The following NXPH1 variants were observed in gnomAD, a reference collection of about 807,000 sequenced individuals.
The protein encoded by NXPH1 is neurexophilin 1, also known as neurexophilin-1.
Under a neutral mutation model 23.7 loss-of-function variants are expected in NXPH1, and 5 were observed. The observed-to-expected ratio is 0.21, with a 90% confidence interval of 0.11 to 0.44. The LOEUF is 0.44. Among genes scored for constraint, NXPH1 ranks in the 20% least tolerant of loss-of-function variants. The probability of loss-of-function intolerance (pLI) is 0.99; values close to 1 mark genes in which losing one functional copy is unlikely to be tolerated. For missense variants in NXPH1, 324 were observed against 321.6 expected (o/e 1.01, Z -0.06); for synonymous variants, 144 against 122.2 (o/e 1.18, Z -1.18).
intron 2 of NXPH1, among the ~76,000 whole-genome samples, chr7:8,617,463 A>C (rs1819769309): frequency 6.6e-6 from 1 of 152,156 alleles, no homozygotes; most frequent in African/African-American, 2.4e-5. Flanking sequence ...ACAATGGAGT[A>C]CTATTCAGCC....
At chr7:8,624,684 A>G (rs1302448170) in intron 2 of NXPH1, among the ~76,000 whole-genome samples, 4 of 152,172 alleles carry the variant, frequency 2.6e-5, no homozygotes, top group African/African-American at 9.7e-5. Context: ...CATTAAAGTA[A>G]AGATAAAGAG....
At chr7:8,656,902 G>C (rs4470930) in intron 2 of NXPH1, among the ~76,000 whole-genome samples, 3 of 152,168 alleles carry the variant, frequency 2.0e-5, no homozygotes, top group South Asian at 2.1e-4. Flanking sequence ...ACTTTCTCAT[G>C]AAGGTCTTCA....
intron 2 of NXPH1, among the ~76,000 whole-genome samples, chr7:8,706,394 C>G (rs543908746): frequency 6.6e-6 from 1 of 152,328 alleles, no homozygotes; most frequent in South Asian, 2.1e-4. Context: ...TGCATTACCT[C>G]TCCTCCCTCA....
At chr7:8,477,437 C>T (rs1447386737) in intron 2 of NXPH1, among the ~76,000 whole-genome samples, 1 of 152,060 alleles carries the variant, frequency 6.6e-6, no homozygotes, top group Non-Finnish European at 1.5e-5. Context: ...AATAAACATA[C>T]ATTTTGTGGA....
intron 2 of NXPH1, among the ~76,000 whole-genome samples, chr7:8,646,130 C>T (rs964655598): frequency 1.3e-5 from 2 of 152,096 alleles, no homozygotes; most frequent in African/African-American, 4.8e-5. Context: ...AACTCTTCAA[C>T]TTTTAAATGG....
chr7:8,437,197 CTTTA>C (rs999242391), intron 2 of NXPH1, among the ~76,000 whole-genome samples: 72 of 152,200 alleles, frequency 4.7e-4, no homozygotes, highest in African/African-American at 1.7e-3. Context: ...AAGTCTGTGC[CTTTA>C]CCCGCTGGAA....
At chr7:8,551,703 CTAAGTCT>C (rs1818278638) in intron 2 of NXPH1, among the ~76,000 whole-genome samples, 1 of 151,288 alleles carries the variant, frequency 6.6e-6, no homozygotes, top group South Asian at 2.1e-4. Context: ...TGTTTCATTC[CTAAGTCT>C]TATTTACTAC....
chr7:8,736,806 G>C (rs1315676203), intron 2 of NXPH1, among the ~76,000 whole-genome samples: 3 of 152,132 alleles, frequency 2.0e-5, no homozygotes, highest in Admixed American at 6.5e-5. Context: ...GAATATGGGT[G>C]CTCCTATATT....
At chr7:8,592,359 G>A (rs564196952) in intron 2 of NXPH1, among the ~76,000 whole-genome samples, 1 of 152,074 alleles carries the variant, frequency 6.6e-6, no homozygotes, top group East Asian at 1.9e-4. Flanking sequence ...ATCCATGCAT[G>A]ACAGGTTTAT....
At chr7:8,668,062 T>TTTAATCTATG (rs71017616) in intron 2 of NXPH1, among the ~76,000 whole-genome samples, 109,529 of 151,240 alleles carry the variant, frequency 0.72, 40,152 homozygotes, top group East Asian at 1. Flanking sequence ...AAAAAATTAT[T>TTTAATCTATG]TTAAATTTCT....
At chr7:8,557,132 A>T (rs1489093432) in intron 2 of NXPH1, among the ~76,000 whole-genome samples, 1 of 151,710 alleles carries the variant, frequency 6.6e-6, no homozygotes, top group Non-Finnish European at 1.5e-5. Flanking sequence ...ACTTGTCCAG[A>T]GGTTTAGAAC....
intron 2 of NXPH1, among the ~76,000 whole-genome samples, chr7:8,505,473 A>C (rs1222611082): frequency 6.6e-6 from 1 of 151,986 alleles, no homozygotes; most frequent in Non-Finnish European, 1.5e-5. Context: ...TAAATAATAG[A>C]CCTCAACATT....
At chr7:8,652,795 G>A (rs188326737) in intron 2 of NXPH1, among the ~76,000 whole-genome samples, 2 of 152,230 alleles carry the variant, frequency 1.3e-5, no homozygotes, top group Admixed American at 1.3e-4. Flanking sequence ...AACATAACTT[G>A]GATGTATCTC....
intron 2 of NXPH1, among the ~76,000 whole-genome samples, chr7:8,463,534 C>G (rs1229538738): frequency 6.6e-6 from 1 of 151,942 alleles, no homozygotes; most frequent in Non-Finnish European, 1.5e-5. Context: ...AATTGCCATT[C>G]AAAAGTTTTG....
At chr7:8,600,045 G>C (rs1819322378) in intron 2 of NXPH1, among the ~76,000 whole-genome samples, 1 of 151,440 alleles carries the variant, frequency 6.6e-6, no homozygotes, top group African/African-American at 2.4e-5. Context: ...GTTGGTGGAG[G>C]GTATTTTCCA....
intron 2 of NXPH1, among the ~76,000 whole-genome samples, chr7:8,587,430 G>A (rs546149794): frequency 3.9e-5 from 6 of 152,022 alleles, no homozygotes; most frequent in Admixed American, 2.6e-4. Context: ...CTTCCCAATC[G>A]GCATCCAAAA....
Position 8,665,784 on chromosome 7 carries a change from ATT to A in NXPH1, c.55-85216_55-85215del, listed in dbSNP as rs71017610. The stretch of plus-strand genomic sequence containing the variant: ...TTTTTTGGTAGCTATTATAAAAGGG[ATT>A]TTTTTTTAGTTCTTTTTTTGGAAAG... On this transcript the variant is annotated intron_variant, in intron 2 of 2. Coordinates refer to ENST00000405863, the MANE Select transcript of NXPH1 (RefSeq NM_152745.3). 7.7e-3 allele frequency among the ~76,000 whole-genome samples: 1,168 copies of A among 151,080 alleles called. 13 individuals are homozygous for A. Among genetic ancestry groups the A allele is most frequent in the Middle Eastern group, 0.045 (13 of 292 alleles).
intron 2 of NXPH1, among the ~76,000 whole-genome samples, chr7:8,573,317 T>C (rs1372607363): frequency 6.6e-6 from 1 of 152,162 alleles, no homozygotes; most frequent in Non-Finnish European, 1.5e-5. Context: ...TACATTTAAA[T>C]AAATTTATAT....
intron 2 of NXPH1, among the ~76,000 whole-genome samples, chr7:8,727,687 G>A (rs1267017766): frequency 2.0e-4 from 31 of 152,086 alleles, no homozygotes; most frequent in East Asian, 1.7e-3. Flanking sequence ...GTTCTGTTCC[G>A]TTGATCTATA....
Sources: allele counts gnomAD v4.1 joint callset (sites outside exome capture counted in the v4.1 genomes callset), GRCh38; gene constraint gnomAD v4.1.1; transcripts MANE v1.5; gene names NCBI Gene and HGNC (gene_info 2026-07-23, HGNC 2026-07-21).